Variants in MYT1L observed in about 807,000 individuals in gnomAD.
MYT1L encodes the protein myelin transcription factor 1 like, also known as myelin transcription factor 1-like protein.
Under a neutral mutation model 126.7 loss-of-function variants are expected in MYT1L, and 12 were observed. The ratio of observed to expected loss-of-function variants is 0.09; its 90% CI spans 0.06 to 0.15. MYT1L has a LOEUF of 0.15. MYT1L is among the 10% of genes least tolerant of loss of function. The pLI, the probability that MYT1L is intolerant of heterozygous loss-of-function variation, is 1.00. For synonymous variants in MYT1L, 541 were observed against 604.2 expected, an observed-to-expected ratio of 0.90 and a Z score of 1.53; for missense variants, 979 against 1,585.2, an observed-to-expected ratio of 0.62 and a Z score of 6.49.
chr2:2,126,012 T>C (rs537840750), intron 3 of MYT1L, among the ~76,000 whole-genome samples: 1 of 152,310 alleles, frequency 6.6e-6, no homozygotes, highest in South Asian at 2.1e-4. Flanking sequence ...CAGATCATGG[T>C]GGACACAACA....
At chr2:2,107,850 C>A (rs1485284975) in intron 3 of MYT1L, among the ~76,000 whole-genome samples, 1 of 152,150 alleles carries the variant, frequency 6.6e-6, no homozygotes, top group African/African-American at 2.4e-5. Context: ...AGAAGGCGGG[C>A]CGCTGCTCTG....
chr2:2,230,992 C>T (rs1035789908), intron 2 of MYT1L, among the ~76,000 whole-genome samples: 8 of 152,142 alleles, frequency 5.3e-5, no homozygotes, highest in African/African-American at 1.9e-4. Context: ...ACCACACGAC[C>T]ATCAGGGAAC....
chr2:1,927,713 G>A (rs867517158), intron 9 of MYT1L, among the ~76,000 whole-genome samples: 3 of 152,242 alleles, frequency 2.0e-5, no homozygotes, highest in East Asian at 1.9e-4. Flanking sequence ...AGACTTCCCC[G>A]GGTCGGAGGA....
intron 2 of MYT1L, among the ~76,000 whole-genome samples, chr2:2,175,679 TCCTGGACCCTTG>T (rs1408000025): frequency 6.6e-6 from 1 of 150,628 alleles, no homozygotes; most frequent in South Asian, 2.1e-4. Context: ...TTACATACTT[TCCTGGACCCTTG>T]CCTCGATACT....
intron 1 of MYT1L, among the ~76,000 whole-genome samples, chr2:2,314,812 C>T (rs1413880296): frequency 1.3e-5 from 2 of 152,114 alleles, no homozygotes; most frequent in African/African-American, 4.8e-5. Context: ...CAGTATGGTA[C>T]TGGTACAGAA....
chr2:2,005,739 CCTT>C (rs1214165547), intron 4 of MYT1L, among the ~76,000 whole-genome samples: 1 of 144,124 alleles, frequency 6.9e-6, no homozygotes, highest in Admixed American at 6.9e-5. Context: ...TTCCTGTGTG[CCTT>C]CTTTCCTGCA....
chr2:2,299,946 A>G (rs879701971), intron 1 of MYT1L, among the ~76,000 whole-genome samples: 2 of 152,312 alleles, frequency 1.3e-5, no homozygotes, highest in Admixed American at 1.3e-4. Context: ...AAAGGGAAAA[A>G]AAATCAATAC....
chr2:2,065,538 C>A (rs933468387), intron 3 of MYT1L, among the ~76,000 whole-genome samples: 1 of 152,070 alleles, frequency 6.6e-6, no homozygotes, highest in African/African-American at 2.4e-5. Flanking sequence ...ATTTTAATCA[C>A]CCTCCCCTAA....
chr2:2,103,738 G>C (rs1353912943), intron 3 of MYT1L, among the ~76,000 whole-genome samples: 3 of 152,214 alleles, frequency 2.0e-5, no homozygotes, highest in African/African-American at 7.2e-5. Flanking sequence ...TATGCCCTGG[G>C]ATGCTCCGCA....
intron 21 of MYT1L, among the ~76,000 whole-genome samples, chr2:1,831,318 G>C (rs570625740): frequency 5.3e-5 from 8 of 151,262 alleles, no homozygotes; most frequent in African/African-American, 1.7e-4. Flanking sequence ...ACCAAGATCT[G>C]TCTCCACCTG....
chr2:2,291,915 G>T (rs1461732443), intron 1 of MYT1L, among the ~76,000 whole-genome samples: 3 of 152,232 alleles, frequency 2.0e-5, no homozygotes, highest in Non-Finnish European at 2.9e-5. Context: ...CTCACGAGAC[G>T]TCAGAGTGCG....
At chr2:1,951,609 G>A (rs1443613991) in intron 8 of MYT1L, among the ~76,000 whole-genome samples, 1 of 152,188 alleles carries the variant, frequency 6.6e-6, no homozygotes, top group Non-Finnish European at 1.5e-5. Flanking sequence ...ACCTCACCAA[G>A]TCGCTCCAGG....
At chr2:1,958,668 T>A (rs1027720687) in intron 8 of MYT1L, among the ~76,000 whole-genome samples, 9 of 152,164 alleles carry the variant, frequency 5.9e-5, no homozygotes, top group African/African-American at 2.2e-4. Flanking sequence ...CCCGGTTCCA[T>A]GGGGGCTGTT....
intron 3 of MYT1L, among the ~76,000 whole-genome samples, chr2:2,115,377 T>C (rs2080064108): frequency 6.6e-6 from 1 of 152,208 alleles, no homozygotes; most frequent in Non-Finnish European, 1.5e-5. Flanking sequence ...TAAATGAATT[T>C]ATAGAACCCC....
intron 1 of MYT1L, among the ~76,000 whole-genome samples, chr2:2,304,598 C>G (rs1003252662): frequency 2.0e-5 from 3 of 152,164 alleles, no homozygotes; most frequent in Admixed American, 1.3e-4. Context: ...TTTCAGGGAG[C>G]AGGTTGCTGC....
At chr2:1,866,853 G>A (rs1198686188) in intron 18 of MYT1L, among the ~76,000 whole-genome samples, 2 of 138,540 alleles carry the variant, frequency 1.4e-5, no homozygotes, top group African/African-American at 5.5e-5. Context: ...CCGTCAGAGA[G>A]GGAGGGCAGA....
chr2:2,259,402 A>C (rs1352087412), intron 2 of MYT1L, among the ~76,000 whole-genome samples: 4 of 129,394 alleles, frequency 3.1e-5, no homozygotes, highest in African/African-American at 1.3e-4. Flanking sequence ...AATAAAAAAA[A>C]AAACATTAAA....
In MYT1L at chr2:1,840,828, T is replaced by C. The variant is rs1051931346; in HGVS notation, c.2790A>G (p.Pro930=). The C allele has an allele frequency of 6.4e-7, 1 of 1,550,790 alleles. No individual in the cohort carries two copies. The highest frequency in any genetic ancestry group is 2.4e-5 in the East Asian group (1 of 40,906). Residue 930 remains proline (P), a synonymous_variant, in exon 20 of 25, where the codon CCA becomes CCG. Coordinates refer to ENST00000647738, the MANE Select transcript of MYT1L (RefSeq NM_001303052.2). ...YASHRSLSGC[P]RAKKSGIRIA... ...TCCTGATACCACTTTTCTTTGCTCT[T>C]GGGCAACCTGAAAGGCTAAATAAGA... is the stretch of plus-strand genomic sequence containing the variant.
intron 18 of MYT1L, among the ~76,000 whole-genome samples, chr2:1,871,051 G>A (rs964849803): frequency 2.6e-5 from 4 of 152,210 alleles, no homozygotes; most frequent in African/African-American, 9.6e-5. Flanking sequence ...GGAGAGGAAA[G>A]GGACAGGAAA....
Sources: allele counts gnomAD v4.1 joint callset (sites outside exome capture counted in the v4.1 genomes callset), GRCh38; gene constraint gnomAD v4.1.1; transcripts MANE v1.5; gene names NCBI Gene and HGNC (gene_info 2026-07-23, HGNC 2026-07-21).